The following STK10 variants were observed in gnomAD, a reference collection of about 807,000 sequenced individuals.
STK10 encodes the protein serine/threonine kinase 10, also known as serine/threonine-protein kinase 10.
Under a neutral mutation model 113.8 loss-of-function variants are expected in STK10, and 78 were observed. The ratio of observed to expected loss-of-function variants is 0.69; its 90% CI spans 0.57 to 0.83. STK10 has a LOEUF of 0.83. Among genes scored for constraint, STK10 ranks in the 40% least tolerant of loss-of-function variants. The pLI, the probability that STK10 is intolerant of heterozygous loss-of-function variation, is 0.00. For synonymous variants in STK10, 465 were observed against 494.7 expected, an observed-to-expected ratio of 0.94 and a Z score of 0.80; for missense variants, 1,109 against 1,280.1, an observed-to-expected ratio of 0.87 and a Z score of 2.04.
intron 1 of STK10, among the ~76,000 whole-genome samples, chr5:172,167,557 T>G (rs114558945): frequency 0.012 from 1,783 of 152,260 alleles, 49 homozygotes; most frequent in African/African-American, 0.041. Flanking sequence ...CTGGTGCAAA[T>G]AAGCCTCCCA....
At chr5:172,096,675 T>C (rs1350324860) in intron 7 of STK10, 115 bp from the exon 8 acceptor site, 1 of 1,413,776 alleles carries the variant, frequency 7.1e-7, no homozygotes, top group South Asian at 1.2e-5. Context: ...CTGAGCAAAA[T>C]GTGCACATGA....
chr5:172,142,738 A>G (rs1167159390), intron 2 of STK10, among the ~76,000 whole-genome samples: 1 of 152,222 alleles, frequency 6.6e-6, no homozygotes, highest in Non-Finnish European at 1.5e-5. Context: ...TATTACCAGC[A>G]CTAGGTATTA....
At chr5:172,182,015 G>A (rs187452873) in intron 1 of STK10, among the ~76,000 whole-genome samples, 278 of 152,052 alleles carry the variant, frequency 1.8e-3, no homozygotes, top group African/African-American at 5.9e-3. Context: ...TCTTTTAAAA[G>A]TTTAAAAAGG....
intron 2 of STK10, among the ~76,000 whole-genome samples, chr5:172,150,268 G>T (rs1581179529): frequency 6.6e-6 from 1 of 151,660 alleles, no homozygotes; most frequent in South Asian, 2.1e-4. Flanking sequence ...ATCACCTGAG[G>T]TCAGGAGTTC....
chr5:172,181,863 G>GA (rs564001619), intron 1 of STK10, among the ~76,000 whole-genome samples: 457 of 151,640 alleles, frequency 3.0e-3, no homozygotes, highest in Middle Eastern at 0.02. Flanking sequence ...AACCAAGCAG[G>GA]AAAAAAAATT....
At chr5:172,111,426 C>G (rs1769235044) in intron 4 of STK10, among the ~76,000 whole-genome samples, 1 of 152,240 alleles carries the variant, frequency 6.6e-6, no homozygotes, top group Non-Finnish European at 1.5e-5. Context: ...GGGCCTCCCT[C>G]AGGCACGCAC....
chr5:172,109,153 C>T (rs1460889732), intron 4 of STK10, among the ~76,000 whole-genome samples: 2 of 152,064 alleles, frequency 1.3e-5, no homozygotes, highest in Admixed American at 6.6e-5. Flanking sequence ...GTTGAATATA[C>T]TGTCTGGTCA....
rs144580417 is a variant in STK10 at position 172,187,940 on chromosome 5, C to T, written c.103G>A (p.Val35Met). ...HVRRDLDPNE[V>M]WEIVGELGDG... ...CCCAGCTCGCCCACGATCTCCCACACCTCGTTGGGGTCCAGGTCGCGGCGG... is the reference window on the plus strand; with the variant it reads ...CCCAGCTCGCCCACGATCTCCCACATCTCGTTGGGGTCCAGGTCGCGGCGG... The change falls in exon 1 of 19, where the codon GTG becomes ATG. Residue 35 changes from valine to methionine, a missense_variant. Physicochemically the swap from Val to Met is conservative, Grantham distance 21 (BLOSUM62 1). Around this residue, in one of 5 missense-constraint regions of STK10, gnomAD observed 57 missense variants for 53.6 expected, o/e 1.06. Coordinates refer to ENST00000176763, the MANE Select transcript of STK10 (RefSeq NM_005990.4). The surrounding 1 kb of genome is among the most constrained non-coding windows in gnomAD (Gnocchi z 4.6). The T allele has an allele frequency of 2.4e-5, 38 of 1,613,606 alleles. 1 individual carries two copies. The African/African-American group carries it at 4.7e-4, about 20-fold the overall frequency.
intron 7 of STK10, among the ~76,000 whole-genome samples, chr5:172,101,411 C>T (rs1198422836): frequency 3.4e-5 from 5 of 147,444 alleles, no homozygotes; most frequent in South Asian, 4.2e-4. Context: ...GTGGAGGCTG[C>T]GGTAAGCCAA....
At chr5:172,070,258 T>A (rs59828369) in intron 12 of STK10, among the ~76,000 whole-genome samples, 49,976 of 144,976 alleles carry the variant, frequency 0.34, 8,467 homozygotes, top group East Asian at 0.39. Flanking sequence ...CAAAAAAATA[T>A]ATATCTATAT....
rs572249681 is a variant in STK10, at chr5:172,064,003, G to A, written c.2082+717C>T. On this transcript the variant is annotated intron_variant, in intron 13 of 18. Transcript: ENST00000176763. The stretch of plus-strand genomic sequence containing the variant: ...AGCAAAGAGGCGGCGCTTATCTTAG[G>A]GACAATGTGGGAGCCACTGAAGGGT... Among the ~76,000 whole-genome samples the A allele has an allele frequency of 2.6e-5, 4 of 152,280 alleles. No homozygotes were observed. The South Asian group carries it at 8.3e-4, about 32-fold the overall frequency.
intron 1 of STK10, among the ~76,000 whole-genome samples, chr5:172,184,059 G>A (rs1400173494): frequency 6.6e-6 from 1 of 152,096 alleles, no homozygotes. Flanking sequence ...GGAAGCCTTC[G>A]ACACTTAGGC....
chr5:172,068,510 A>G (rs953651276), intron 12 of STK10, among the ~76,000 whole-genome samples: 43 of 152,170 alleles, frequency 2.8e-4, no homozygotes, highest in African/African-American at 1.0e-3. Context: ...GAAAACTTGT[A>G]TCTTCAGTAA....
At position 172,061,218 on chromosome 5, in the gene STK10, C is replaced by G; in HGVS notation, c.2133G>C (p.Lys711Asn). The change falls in exon 14 of 19, where the codon AAG becomes AAC. Residue 711 changes from lysine (K) to asparagine (N), a missense_variant. By Grantham distance (94) the Lys-to-Asn change is moderately conservative. This residue lies in a region of STK10 where 885 missense variants were observed against 991.1 expected (regional missense o/e 0.89). Transcript: ENST00000176763. ...CCCGCCTGTTGTCGGTGGTGAGCCT[C>G]TTCATGGCCAGCTCCAGGTCCTCCT... ...KQKEDLELAM[K>N]RLTTDNRREI... 1 of 1,613,532 alleles carries G rather than the reference C, an allele frequency of 6.2e-7. No individual in the cohort carries two copies.
At chr5:172,049,077 C>T (rs1013068461) in intron 18 of STK10, among the ~76,000 whole-genome samples, 1 of 152,130 alleles carries the variant, frequency 6.6e-6, no homozygotes, top group Non-Finnish European at 1.5e-5. Flanking sequence ...AGCAGCCTCA[C>T]TTTGTGACCC....
intron 2 of STK10, among the ~76,000 whole-genome samples, chr5:172,136,511 G>A (rs1490107734): frequency 1.3e-5 from 2 of 152,166 alleles, no homozygotes; most frequent in Non-Finnish European, 2.9e-5. Context: ...GCAGGAGAAT[G>A]GTGTGAACCC....
intron 10 of STK10, among the ~76,000 whole-genome samples, chr5:172,085,245 T>TA (rs1394097423): frequency 1.3e-5 from 2 of 149,308 alleles, no homozygotes; most frequent in African/African-American, 4.9e-5. Flanking sequence ...GATCCTGTGT[T>TA]AAAAAAAGAA....
At chr5:172,155,236 G>A (rs915711922) in intron 2 of STK10, among the ~76,000 whole-genome samples, 3 of 152,092 alleles carry the variant, frequency 2.0e-5, no homozygotes, top group Non-Finnish European at 2.9e-5. Context: ...AGTGCCTCAC[G>A]CCTGTAATCC....
At chr5:172,089,766 T>G (rs1768655169) in intron 10 of STK10, among the ~76,000 whole-genome samples, 1 of 151,530 alleles carries the variant, frequency 6.6e-6, no homozygotes, top group Non-Finnish European at 1.5e-5. Flanking sequence ...AATGGATGGA[T>G]GAATGGATGG....
Sources: allele counts gnomAD v4.1 joint callset (sites outside exome capture counted in the v4.1 genomes callset), GRCh38; gene constraint gnomAD v4.1.1; regional missense constraint gnomAD v4.1.1; non-coding constraint Gnocchi (gnomAD v3.1); transcripts MANE v1.5; gene names NCBI Gene and HGNC (gene_info 2026-07-23, HGNC 2026-07-21).